TCF4: variants seen among roughly 807,000 people sequenced by gnomAD.
TCF4 encodes the protein transcription factor 4.
In TCF4, 3 loss-of-function variants were observed where a neutral mutation model predicts 82.1. That is an observed-to-expected ratio of 0.04 (90% CI 0.02 to 0.09). The LOEUF is 0.09. Among genes scored for constraint, TCF4 ranks in the 10% least tolerant of loss-of-function variants. TCF4 has a pLI of 1.00. For synonymous variants in TCF4, 276 were observed against 309.6 expected (o/e 0.89, Z 1.14); for missense variants, 518 against 852.7 (o/e 0.61, Z 4.89).
intron 10 of TCF4, among the ~76,000 whole-genome samples, chr18:55,275,058 A>G (rs533871646): frequency 1.5e-3 from 230 of 152,200 alleles, no homozygotes; most frequent in Non-Finnish European, 1.8e-3. Flanking sequence ...TTAAAGTTAA[A>G]ATACTGAAAA....
At chr18:55,407,459 G>A (rs1041117153) in intron 5 of TCF4, among the ~76,000 whole-genome samples, 2 of 151,992 alleles carry the variant, frequency 1.3e-5, no homozygotes, top group African/African-American at 2.4e-5. Flanking sequence ...AGAACAAGTC[G>A]GCATCTCCAG....
intron 3 of TCF4, among the ~76,000 whole-genome samples, chr18:55,569,376 T>C (rs2097439722): frequency 6.6e-6 from 1 of 151,928 alleles, no homozygotes; most frequent in South Asian, 2.1e-4. Context: ...ATATGAAAAT[T>C]GATATACAAA....
chr18:55,419,540 C>A (rs1428705325), intron 5 of TCF4, among the ~76,000 whole-genome samples: 1 of 152,040 alleles, frequency 6.6e-6, no homozygotes, highest in Non-Finnish European at 1.5e-5. Flanking sequence ...CCTTTATTAT[C>A]TTATAGGGTT....
chr18:55,296,815 A>G (rs887258630), intron 8 of TCF4, among the ~76,000 whole-genome samples: 2 of 152,200 alleles, frequency 1.3e-5, no homozygotes, highest in African/African-American at 4.8e-5. Context: ...TTTAAACTGC[A>G]TATAATTAAG....
chr18:55,621,278 A>T (rs931367720), intron 2 of TCF4, among the ~76,000 whole-genome samples: 2 of 150,484 alleles, frequency 1.3e-5, no homozygotes, highest in Non-Finnish European at 2.9e-5. Flanking sequence ...GTGCTATTAG[A>T]TTCAGGCCTA....
At chr18:55,459,522 T>C (rs1223115581) in intron 5 of TCF4, among the ~76,000 whole-genome samples, 5 of 152,200 alleles carry the variant, frequency 3.3e-5, no homozygotes, top group Non-Finnish European at 7.3e-5. Flanking sequence ...GTATATTATT[T>C]AGGTGCTACT....
intron 14 of TCF4, 127 bp downstream of exon 14, chr18:55,257,188 C>T (rs2057054310): frequency 1.0e-6 from 1 of 974,604 alleles, no homozygotes. Flanking sequence ...TCCCGCAAAC[C>T]TGTGTGCTTA....
chr18:55,339,194 G>GT (rs2079278395), intron 8 of TCF4, among the ~76,000 whole-genome samples: 2 of 152,058 alleles, frequency 1.3e-5, no homozygotes, highest in African/African-American at 4.8e-5. Flanking sequence ...GAATGCCAAA[G>GT]TAGTATTAAA....
chr18:55,612,290 C>A (rs778029501), intron 2 of TCF4, among the ~76,000 whole-genome samples: 1 of 151,786 alleles, frequency 6.6e-6, no homozygotes, highest in Admixed American at 6.6e-5. Context: ...AGAGTTGCTT[C>A]GGGATATGAG....
intron 17 of TCF4, 133 bp from the exon 18 acceptor site, chr18:55,229,209 T>C (rs981446244): frequency 6.3e-5 from 59 of 943,866 alleles, no homozygotes; most frequent in Middle Eastern, 4.1e-4. Context: ...AATTTTTATA[T>C]CCACTTGACC....
chr18:55,586,164 GCAGCAGCAGCAGCAGCAGCAGCAGC>G, intron 2 of TCF4: 2 of 331,354 alleles, frequency 6.0e-6, no homozygotes, highest in South Asian at 8.0e-5. Flanking sequence ...AGCAGCAGCA[GCAGCAGCAGCAGCAGCAGCAGCAGC>G]AGCAGCAGCA....
At chr18:55,332,014 CTT>C (rs1030353694) in intron 8 of TCF4, 1 of 152,180 alleles carries the variant, frequency 6.6e-6, no homozygotes, top group Non-Finnish European at 1.5e-5. Context: ...TCTATTGTCA[CTT>C]TTGAGAGGTG....
Position 55,234,629 on chromosome 18 carries a change from G to A in TCF4, c.1405C>T (p.Pro469Ser). 6.2e-7 allele frequency: 1 copy of A among 1,614,160 alleles called. No individual in the cohort carries two copies. The highest frequency in any genetic ancestry group is 8.5e-7 in the Non-Finnish European group (1 of 1,180,022). The stretch of plus-strand genomic sequence containing the variant: ...AGCTGTGGAACCGGAACCTGGTTTG[G>A]CAGAAGAGAATGGCTGCCTCTCAGG... ...VALRGSHSLL[P>S]NQVPVPQLPV... Residue 469 changes from proline (P) to serine (S), a missense_variant, in exon 16 of 20, where the codon CCA becomes TCA. Around this residue, in one of 7 missense-constraint regions of TCF4, gnomAD observed 144 missense variants for 190.2 expected, o/e 0.76. Transcript: ENST00000354452.
At chr18:55,252,862 G>C (rs1257279976) in intron 15 of TCF4, among the ~76,000 whole-genome samples, 1 of 151,978 alleles carries the variant, frequency 6.6e-6, no homozygotes, top group Non-Finnish European at 1.5e-5. Flanking sequence ...AAACATTGTA[G>C]TTAGAAAAAA....
At chr18:55,562,967 C>G (rs1266547345) in intron 3 of TCF4, among the ~76,000 whole-genome samples, 2 of 152,094 alleles carry the variant, frequency 1.3e-5, no homozygotes, top group African/African-American at 4.8e-5. Flanking sequence ...GGGCCAGACA[C>G]AGTAGCTCAC....
At chr18:55,359,274 A>G (rs2084435228) in intron 6 of TCF4, among the ~76,000 whole-genome samples, 1 of 152,068 alleles carries the variant, frequency 6.6e-6, no homozygotes, top group Non-Finnish European at 1.5e-5. Context: ...AAAAGTTTCA[A>G]ATTATTTTTC....
At chr18:55,580,976 C>G (rs1026618751) in intron 3 of TCF4, among the ~76,000 whole-genome samples, 2 of 151,994 alleles carry the variant, frequency 1.3e-5, no homozygotes, top group African/African-American at 2.4e-5. Context: ...CAGCACACCT[C>G]TCTAACACAC....
chr18:55,333,301 C>T (rs1475472741), intron 8 of TCF4, among the ~76,000 whole-genome samples: 2 of 152,068 alleles, frequency 1.3e-5, no homozygotes, highest in Admixed American at 1.3e-4. Flanking sequence ...TGTAAAGATG[C>T]AAATATCATT....
At chr18:55,397,251 A>G (rs1470097306) in intron 6 of TCF4, among the ~76,000 whole-genome samples, 1 of 152,182 alleles carries the variant, frequency 6.6e-6, no homozygotes, top group Non-Finnish European at 1.5e-5. Context: ...CCAATGAAGT[A>G]CTCCAGCCGA....
Sources: allele counts gnomAD v4.1 joint callset (sites outside exome capture counted in the v4.1 genomes callset), GRCh38; gene constraint gnomAD v4.1.1; regional missense constraint gnomAD v4.1.1; transcripts MANE v1.5; gene names NCBI Gene and HGNC (gene_info 2026-07-23, HGNC 2026-07-21).